PDE5A: variants seen among roughly 807,000 people sequenced by gnomAD.
PDE5A encodes the protein phosphodiesterase 5A, also known as cGMP-specific 3',5'-cyclic phosphodiesterase.
Under a neutral mutation model 110.2 loss-of-function variants are expected in PDE5A, and 67 were observed. The ratio of observed to expected loss-of-function variants is 0.61; its 90% CI spans 0.50 to 0.75. The LOEUF (loss-of-function observed/expected upper bound fraction) is 0.75. Ranked by LOEUF, PDE5A falls within the 30% of genes least tolerant of loss-of-function variation. The pLI is 0.00. For synonymous variants in PDE5A, 328 were observed against 351.2 expected, an observed-to-expected ratio of 0.93 and a Z score of 0.74; for missense variants, 862 against 1,045.1, an observed-to-expected ratio of 0.82 and a Z score of 2.42.
chr4:119,548,760 T>G (rs762293172), intron 9 of PDE5A: 2 of 152,182 alleles, frequency 1.3e-5, no homozygotes, highest in Non-Finnish European at 2.9e-5. Flanking sequence ...TATAATATCT[T>G]AATTCTATTT....
chr4:119,502,799 T>TC, intron 18 of PDE5A, 144 bp from the exon 19 acceptor site: 1 of 601,200 alleles, frequency 1.7e-6, no homozygotes, highest in Non-Finnish European at 2.9e-6. Context: ...AGACAAGTAG[T>TC]CCATGTCCAA....
At chr4:119,507,843 T>G in intron 15 of PDE5A, 139 bp from the exon 16 acceptor site, 1 of 618,030 alleles carries the variant, frequency 1.6e-6, no homozygotes, top group Non-Finnish European at 2.8e-6. Flanking sequence ...TACCATGAAA[T>G]AAAGTTTCCC....
chr4:119,554,078 T>C (rs549519491), intron 7 of PDE5A, among the ~76,000 whole-genome samples: 23 of 152,162 alleles, frequency 1.5e-4, no homozygotes, highest in Non-Finnish European at 3.2e-4. Context: ...CATCAGATTA[T>C]AGAATGCCTA....
At chr4:119,546,852 TA>T (rs1272881534) in intron 9 of PDE5A, among the ~76,000 whole-genome samples, 4 of 152,122 alleles carry the variant, frequency 2.6e-5, no homozygotes, top group African/African-American at 9.6e-5. Context: ...TAAATGGTTT[TA>T]TTTTTTTCCA....
At chr4:119,534,156 C>G (rs6534140) in intron 11 of PDE5A, among the ~76,000 whole-genome samples, 1 of 151,962 alleles carries the variant, frequency 6.6e-6, no homozygotes, top group Non-Finnish European at 1.5e-5. Context: ...ATGTCTCAAT[C>G]GATGGTGTAC....
chr4:119,606,335 T>C (rs184910515), intron 2 of PDE5A, among the ~76,000 whole-genome samples: 73 of 152,288 alleles, frequency 4.8e-4, no homozygotes, highest in Non-Finnish European at 8.5e-4. Context: ...CCTATCATTT[T>C]AGAATCTCAG....
intron 7 of PDE5A, among the ~76,000 whole-genome samples, chr4:119,560,007 C>A (rs1727690979): frequency 6.6e-6 from 1 of 152,144 alleles, no homozygotes; most frequent in Non-Finnish European, 1.5e-5. Flanking sequence ...TTCCTAAAAT[C>A]CTTTAATAGG....
intron 3 of PDE5A, among the ~76,000 whole-genome samples, chr4:119,578,309 A>T (rs1163860113): frequency 6.6e-6 from 1 of 152,144 alleles, no homozygotes. Flanking sequence ...GCTACCAATG[A>T]CTTTCTTCAC....
intron 3 of PDE5A, among the ~76,000 whole-genome samples, chr4:119,568,658 G>A (rs1728032904): frequency 6.6e-6 from 1 of 152,064 alleles, no homozygotes; most frequent in Admixed American, 6.6e-5. Flanking sequence ...CACTTAATGT[G>A]GGTAAAAGAG....
intron 11 of PDE5A, among the ~76,000 whole-genome samples, chr4:119,533,536 G>T (rs1478428281): frequency 6.6e-6 from 1 of 152,130 alleles, no homozygotes; most frequent in Non-Finnish European, 1.5e-5. Context: ...TTTTAAAACG[G>T]GAATGAGTAT....
chr4:119,548,693 A>G (rs1336388077), intron 9 of PDE5A: 2 of 152,192 alleles, frequency 1.3e-5, no homozygotes, highest in Non-Finnish European at 2.9e-5. Flanking sequence ...CAATTATTAA[A>G]TCTGTAATCT....
chr4:119,587,850 C>T (rs867787613), intron 3 of PDE5A, among the ~76,000 whole-genome samples: 22 of 152,154 alleles, frequency 1.4e-4, no homozygotes, highest in African/African-American at 4.3e-4. Context: ...CATTTATTTC[C>T]TCCAAGTTTA....
At chr4:119,549,748 T>C (rs1727271393) in intron 9 of PDE5A, 1 of 152,172 alleles carries the variant, frequency 6.6e-6, no homozygotes, top group Non-Finnish European at 1.5e-5. Context: ...GAGAAATATA[T>C]TTCCTTAAAA....
chr4:119,568,089 C>G (rs1728006257), intron 3 of PDE5A, among the ~76,000 whole-genome samples: 1 of 151,824 alleles, frequency 6.6e-6, no homozygotes, highest in African/African-American at 2.4e-5. Flanking sequence ...GGGGAAATAC[C>G]TTCTTGTCTT....
chr4:119,585,819 C>A (rs1728743478), intron 3 of PDE5A, among the ~76,000 whole-genome samples: 1 of 152,134 alleles, frequency 6.6e-6, no homozygotes, highest in African/African-American at 2.4e-5. Flanking sequence ...TTATATAGAG[C>A]ACTACTGCTT....
chr4:119,580,893 A>T (rs1253177600), intron 3 of PDE5A, among the ~76,000 whole-genome samples: 1 of 152,266 alleles, frequency 6.6e-6, no homozygotes, highest in Admixed American at 6.5e-5. Flanking sequence ...GTTCACCTTT[A>T]CACAATACAT....
At chr4:119,577,985 A>G (rs1198836927) in intron 3 of PDE5A, among the ~76,000 whole-genome samples, 1 of 152,268 alleles carries the variant, frequency 6.6e-6, no homozygotes, top group Non-Finnish European at 1.5e-5. Context: ...CAACTTCAGC[A>G]AAGTCTCAGG....
intron 3 of PDE5A, among the ~76,000 whole-genome samples, chr4:119,585,770 C>T (rs914295500): frequency 1.3e-5 from 2 of 152,088 alleles, no homozygotes; most frequent in Non-Finnish European, 2.9e-5. Context: ...GAACAGAACG[C>T]CGGGAAAGTC....
chr4:119,570,563 C>T (rs1728105439), intron 3 of PDE5A, among the ~76,000 whole-genome samples: 1 of 152,130 alleles, frequency 6.6e-6, no homozygotes. Context: ...ATGCAAAGGC[C>T]AAGACTTGAC....
Sources: allele counts gnomAD v4.1 joint callset (sites outside exome capture counted in the v4.1 genomes callset), GRCh38; gene constraint gnomAD v4.1.1; transcripts MANE v1.5; gene names NCBI Gene and HGNC (gene_info 2026-07-23, HGNC 2026-07-21).